The following MAP2 variants were observed in gnomAD, a reference collection of about 807,000 sequenced individuals.
The protein encoded by MAP2 is microtubule associated protein 2, also known as microtubule-associated protein 2.
In MAP2, 14 loss-of-function variants were observed where a neutral mutation model predicts 137.6. That is an observed-to-expected ratio of 0.10 (90% CI 0.07 to 0.16). The LOEUF is 0.16. Among genes scored for constraint, MAP2 ranks in the 10% least tolerant of loss-of-function variants. The pLI is 1.00. For missense variants in MAP2, 2,088 were observed against 2,191.5 expected, an observed-to-expected ratio of 0.95 and a Z score of 0.94; for synonymous variants, 786 against 782.3, an observed-to-expected ratio of 1.00 and a Z score of -0.08.
rs1210460191 is a variant in MAP2, at chr2:209,695,305, A to G, written c.3135A>G (p.Gln1045=). 1.9e-6 allele frequency: 3 copies of G among 1,613,928 alleles called. No homozygotes were observed. The highest frequency in any genetic ancestry group is 1.1e-5 in the South Asian group (1 of 91,060). ...EQGLDFAVQG[Q]LDVKISDFGQ... ...GTCTGGATTTTGCTGTCCAGGGTCAACTAGATGTTAAAATTAGTGACTTTG... is the reference window on the plus strand; with the variant it reads ...GTCTGGATTTTGCTGTCCAGGGTCAGCTAGATGTTAAAATTAGTGACTTTG... Residue 1045 remains glutamine (Q), a synonymous_variant, in exon 8 of 16, where the codon CAA becomes CAG. Transcript: ENST00000682079.
chr2:209,567,009 G>A (rs1043925410), intron 2 of MAP2, among the ~76,000 whole-genome samples: 3 of 152,090 alleles, frequency 2.0e-5, no homozygotes, highest in African/African-American at 4.8e-5. Flanking sequence ...ATCTATATGC[G>A]TATAAGCATT....
intron 1 of MAP2, among the ~76,000 whole-genome samples, chr2:209,472,201 A>G (rs1265506537): frequency 2.0e-5 from 3 of 152,218 alleles, no homozygotes; most frequent in Non-Finnish European, 4.4e-5. Context: ...CTCACATAGA[A>G]GTTATAGATT....
chr2:209,710,491 T>C, intron 13 of MAP2: 1 of 482,680 alleles, frequency 2.1e-6, no homozygotes, highest in Non-Finnish European at 3.7e-6. Context: ...CAACTTTTAG[T>C]TGATTGACTA....
At chr2:209,528,018 T>G (rs146331826) in intron 2 of MAP2, among the ~76,000 whole-genome samples, 4 of 152,294 alleles carry the variant, frequency 2.6e-5, no homozygotes, top group Non-Finnish European at 5.9e-5. Context: ...TGCAGGGGCT[T>G]AACATTTATT....
At chr2:209,453,858 A>G (rs1004873265) in intron 1 of MAP2, among the ~76,000 whole-genome samples, 48 of 152,242 alleles carry the variant, frequency 3.2e-4, no homozygotes, top group African/African-American at 1.1e-3. Flanking sequence ...GGACTAAAAA[A>G]AATAGAGGAC....
At chr2:209,451,253 T>C (rs1236711565) in intron 1 of MAP2, among the ~76,000 whole-genome samples, 1 of 152,218 alleles carries the variant, frequency 6.6e-6, no homozygotes, top group African/African-American at 2.4e-5. Context: ...TCCACCTTTC[T>C]CTACCCTGGT....
intron 1 of MAP2, among the ~76,000 whole-genome samples, chr2:209,476,372 T>C (rs1381829867): frequency 6.7e-6 from 1 of 149,418 alleles, no homozygotes. Flanking sequence ...CCTGTAGTAG[T>C]CCTCCCCACG....
intron 4 of MAP2, among the ~76,000 whole-genome samples, chr2:209,633,583 T>C (rs1559451317): frequency 6.6e-6 from 1 of 152,132 alleles, no homozygotes; most frequent in Non-Finnish European, 1.5e-5. Context: ...AGCCTTGAGA[T>C]AGATTTACAA....
Position 209,546,027 on chromosome 2 carries a change from C to T in MAP2, c.-171-34009C>T, listed in dbSNP as rs1331159429. On this transcript the variant is annotated intron_variant, in intron 2 of 15. Coordinates refer to ENST00000682079, the MANE Select transcript of MAP2 (RefSeq NM_001375505.1). ...GCGTGGTGGCAGGTACCTGTAGTCC[C>T]AGCTACTTGGGAGGCTGAGGCAGGA... Among the ~76,000 whole-genome samples, 4 of 152,142 alleles carry T rather than the reference C, an allele frequency of 2.6e-5. No homozygotes were observed. The East Asian group carries it at 5.8e-4, about 22-fold the overall frequency.
intron 2 of MAP2, among the ~76,000 whole-genome samples, chr2:209,557,307 A>G (rs374598808): frequency 2.0e-5 from 3 of 152,330 alleles, no homozygotes; most frequent in East Asian, 3.9e-4. Flanking sequence ...TTAGTCCAGT[A>G]TGTGAGTCTC....
intron 4 of MAP2, among the ~76,000 whole-genome samples, chr2:209,650,679 A>G (rs942158171): frequency 2.6e-5 from 4 of 152,226 alleles, no homozygotes; most frequent in Non-Finnish European, 5.9e-5. Context: ...GTTAAAAGTA[A>G]TGTTCACTAA....
At chr2:209,534,426 G>C (rs1172748784) in intron 2 of MAP2, among the ~76,000 whole-genome samples, 1 of 152,104 alleles carries the variant, frequency 6.6e-6, no homozygotes, top group Non-Finnish European at 1.5e-5. Context: ...TTAGTCATTT[G>C]CCAGGGGGTT....
At chr2:209,644,375 T>C (rs1289600125) in intron 4 of MAP2, among the ~76,000 whole-genome samples, 1 of 152,140 alleles carries the variant, frequency 6.6e-6, no homozygotes, top group Non-Finnish European at 1.5e-5. Flanking sequence ...GGTGTTATTT[T>C]TCATATGCAC....
intron 4 of MAP2, among the ~76,000 whole-genome samples, chr2:209,628,279 C>T (rs983426563): frequency 3.3e-5 from 5 of 152,128 alleles, no homozygotes; most frequent in Admixed American, 1.3e-4. Context: ...GAAGGAGAAT[C>T]GCTTGAACCC....
chr2:209,536,247 A>C (rs1488074191), intron 2 of MAP2, among the ~76,000 whole-genome samples: 1 of 152,216 alleles, frequency 6.6e-6, no homozygotes, highest in African/African-American at 2.4e-5. Flanking sequence ...CAAATATAAA[A>C]TAATAAGCAA....
chr2:209,634,527 G>T (rs1348912644), intron 4 of MAP2, among the ~76,000 whole-genome samples: 1 of 105,998 alleles, frequency 9.4e-6, no homozygotes, highest in African/African-American at 6.1e-5. Context: ...CTGTACCTGA[G>T]GTGATCTTGG....
intron 2 of MAP2, among the ~76,000 whole-genome samples, chr2:209,533,177 G>T (rs190457931): frequency 1.3e-5 from 2 of 151,232 alleles, no homozygotes; most frequent in Middle Eastern, 3.4e-3. Context: ...ATGGGGTTTC[G>T]CTCATCACCC....
At chr2:209,521,853 TTA>T (rs1311953206) in intron 2 of MAP2, among the ~76,000 whole-genome samples, 2 of 152,136 alleles carry the variant, frequency 1.3e-5, no homozygotes, top group African/African-American at 4.8e-5. Flanking sequence ...TCCTATGGTA[TTA>T]TTTTTTCAAT....
chr2:209,722,616 G>A (rs2071668149), intron 13 of MAP2, among the ~76,000 whole-genome samples: 1 of 151,988 alleles, frequency 6.6e-6, no homozygotes, highest in Non-Finnish European at 1.5e-5. Context: ...CACAAATAAA[G>A]CTTTCTTTCC....
Sources: gnomAD v4.1 joint callset for allele counts (sites outside exome capture counted in the v4.1 genomes callset) on GRCh38, gnomAD v4.1.1 for gene constraint, MANE v1.5 for transcripts, NCBI Gene and HGNC (gene_info 2026-07-23, HGNC 2026-07-21) for gene names.